Variants in ABL2 observed in about 807,000 individuals in gnomAD.
The protein encoded by ABL2 is tyrosine-protein kinase ABL2.
In ABL2, 49 loss-of-function variants were observed where a neutral mutation model predicts 107.7. The observed-to-expected ratio is 0.45, with a 90% CI of 0.36 to 0.58. The LOEUF (loss-of-function observed/expected upper bound fraction) is 0.58. Ranked by LOEUF, ABL2 falls within the 20% of genes least tolerant of loss-of-function variation. ABL2 has a pLI of 0.00. For missense variants in ABL2, 1,245 were observed against 1,457.0 expected (o/e 0.85, Z 2.37); for synonymous variants, 549 against 548.6 (o/e 1.00, Z -0.01).
Position 179,127,222 on chromosome 1 carries a change from G to A in ABL2, c.392-550C>T, listed in dbSNP as rs533214583. 2.3e-4 allele frequency among the ~76,000 whole-genome samples: 35 copies of A among 152,156 alleles called. No homozygotes were observed. In the South Asian group the frequency reaches 2.9e-3, roughly 13 times the overall value. ...AAAATGAACAAACAAAAAAAAACAC[G>A]GACCACAGAGTTTTCAGCAAGAAAA... On this transcript the variant is annotated intron_variant, in intron 3 of 11. Coordinates refer to ENST00000502732, the MANE Select transcript of ABL2 (RefSeq NM_007314.4).
intron 1 of ABL2, among the ~76,000 whole-genome samples, chr1:179,135,317 G>A (rs1255279017): frequency 6.7e-6 from 1 of 148,378 alleles, no homozygotes; most frequent in African/African-American, 2.6e-5. Flanking sequence ...ATCACATCTG[G>A]GAAGTGAGGA....
chr1:179,131,535 T>C (rs536342745), intron 2 of ABL2, 54 bp from the exon 3 acceptor site: 3 of 1,558,886 alleles, frequency 1.9e-6, no homozygotes, highest in East Asian at 4.5e-5. Flanking sequence ...AGCGAAACAT[T>C]TGTTTGAATT....
At chr1:179,123,919 C>T (rs1404696249) in intron 4 of ABL2, among the ~76,000 whole-genome samples, 1 of 152,146 alleles carries the variant, frequency 6.6e-6, no homozygotes, top group African/African-American at 2.4e-5. Context: ...GCATAGGCCA[C>T]CATGCCTAGC....
chr1:179,182,136 A>T (rs181496711), intron 1 of ABL2, among the ~76,000 whole-genome samples: 1 of 151,870 alleles, frequency 6.6e-6, no homozygotes, highest in East Asian at 1.9e-4. Context: ...CACCCTGTGA[A>T]GTCCTCTCTT....
chr1:179,171,362 T>G (rs141129751), intron 1 of ABL2, among the ~76,000 whole-genome samples: 117 of 152,340 alleles, frequency 7.7e-4, no homozygotes, highest in African/African-American at 2.6e-3. Context: ...GAGCTTAATA[T>G]CTACATTAGA....
intron 1 of ABL2, among the ~76,000 whole-genome samples, chr1:179,216,403 T>C (rs796826129): frequency 2.6e-5 from 4 of 152,314 alleles, no homozygotes; most frequent in African/African-American, 9.6e-5. Context: ...CCAAGAGTTT[T>C]TGTACAAAAT....
chr1:179,107,615 CAAGTAT>C lies in ABL2; in HGVS notation c.*97_*102del. ...CTGAGGTACTTCACATAAACACACT[CAAGTAT>C]GAGTCTTTCATTTTCTGAAAACAAG... On this transcript the variant is annotated 3_prime_UTR_variant, in exon 12 of 12. Transcript: ENST00000502732. 1.3e-6 allele frequency: 2 copies of C among 1,510,024 alleles called. No homozygotes were observed. The highest frequency in any genetic ancestry group is 1.8e-6 in the Non-Finnish European group (2 of 1,132,962). 93.5% of individuals were successfully genotyped at this position (1,510,024 alleles called of 1,614,324 possible).
intron 1 of ABL2, among the ~76,000 whole-genome samples, chr1:179,226,763 A>G (rs965529567): frequency 3.9e-5 from 6 of 152,214 alleles, no homozygotes; most frequent in African/African-American, 1.4e-4. Flanking sequence ...AAAAAGTTAA[A>G]TAACTTGTCC....
rs2102579728 is a variant in ABL2 at position 179,109,100 on chromosome 1, C to T, written c.2167G>A (p.Ala723Thr). Reference sequence around the variant, plus strand: ...TCGTCATTACAGAGGTTCCTCTGTGCAAAGCTCCCCCCATAGCACTTGGGT... The same window carrying T: ...TCGTCATTACAGAGGTTCCTCTGTGTAAAGCTCCCCCCATAGCACTTGGGT... ...VPPKCYGGSF[A>T]QRNLCNDDGG... The change falls in exon 12 of 12, where the codon GCA (alanine) becomes ACA (threonine). Residue 723 changes from alanine (A) to threonine (T), a missense_variant. This residue lies in a region of ABL2 where 761 missense variants were observed against 766.4 expected (regional missense o/e 0.99). Coordinates refer to ENST00000502732, the MANE Select transcript of ABL2 (RefSeq NM_007314.4). 7.2e-7 allele frequency: 1 copy of T among 1,387,254 alleles called. No homozygotes were observed. Among genetic ancestry groups the T allele is most frequent in the South Asian group, 1.1e-5 (1 of 88,106 alleles). The allele number at this position is 1,387,254 out of a possible 1,614,324, so 85.9% of individuals were successfully genotyped here. A position where few individuals can be genotyped will look rare whatever the true frequency, so the allele number is the denominator to read the frequency against.
intron 1 of ABL2, among the ~76,000 whole-genome samples, chr1:179,174,920 A>AAAAAATAATAAT: frequency 8.1e-6 from 1 of 122,882 alleles, no homozygotes; most frequent in Middle Eastern, 4.9e-3. Flanking sequence ...AAAATAAAAA[A>AAAAAATAATAAT]AATAATAATA....
chr1:179,172,806 G>GA (rs1012979926), intron 1 of ABL2, among the ~76,000 whole-genome samples: 8 of 152,220 alleles, frequency 5.3e-5, no homozygotes, highest in Admixed American at 5.2e-4. Context: ...AATTAACAGG[G>GA]TTAGACAAAT....
At chr1:179,137,538 C>T (rs539355541) in intron 1 of ABL2, among the ~76,000 whole-genome samples, 16 of 152,096 alleles carry the variant, frequency 1.1e-4, no homozygotes, top group African/African-American at 3.9e-4. Flanking sequence ...GGAAAAGTTC[C>T]CCTTGTTTGA....
intron 1 of ABL2, among the ~76,000 whole-genome samples, chr1:179,227,229 C>T (rs1663267031): frequency 6.6e-6 from 1 of 152,210 alleles, no homozygotes; most frequent in African/African-American, 2.4e-5. Context: ...GTCCAACCTC[C>T]TCACTTTACA....
At position 179,178,328 on chromosome 1, in the gene ABL2, G is replaced by C. The variant is rs145600253; in HGVS notation, c.158-44954C>G. ...TAAGAGGATTGCTTGCTTGAACCCA[G>C]AAGGCAGAGGTGGCAGTGAGCCGAG... On this transcript the variant is annotated intron_variant, in intron 1 of 11. Coordinates refer to ENST00000502732, the MANE Select transcript of ABL2 (RefSeq NM_007314.4). 2.5e-3 allele frequency among the ~76,000 whole-genome samples: 362 copies of C among 147,638 alleles called. 5 individuals carry two copies. The highest frequency in any genetic ancestry group is 8.7e-3 in the African/African-American group (351 of 40,190).
rs2102576860 is a variant in ABL2 at position 179,108,681 on chromosome 1, G to A, written c.2586C>T (p.Leu862=). ...TGGCTAGATCCCCAGAGGGTGTTCT[G>A]AGAGGAAGAGCTGTGGCTCCTCTGG... ...LLPRGATALP[L]RTPSGDLAIT... is the part of the protein sequence containing the mutation. The change falls in exon 12 of 12, where the codon CTC becomes CTT. Residue 862 remains leucine, a synonymous_variant. Coordinates refer to ENST00000502732, the MANE Select transcript of ABL2 (RefSeq NM_007314.4). 1 of 1,614,194 alleles carries A rather than the reference G, an allele frequency of 6.2e-7. No homozygotes were observed. The highest frequency in any genetic ancestry group is 8.5e-7 in the Non-Finnish European group (1 of 1,180,008).
intron 1 of ABL2, among the ~76,000 whole-genome samples, chr1:179,160,157 T>C (rs1029403809): frequency 6.6e-6 from 1 of 152,104 alleles, no homozygotes; most frequent in African/African-American, 2.4e-5. Context: ...TTTATATAAC[T>C]TGTATACCAT....
chr1:179,134,056 T>C (rs537335677), intron 1 of ABL2, among the ~76,000 whole-genome samples: 1 of 152,356 alleles, frequency 6.6e-6, no homozygotes, highest in South Asian at 2.1e-4. Context: ...TCTATATTAA[T>C]AATACATTCT....
At chr1:179,219,467 T>TTA (rs1397092558) in intron 1 of ABL2, among the ~76,000 whole-genome samples, 1 of 152,224 alleles carries the variant, frequency 6.6e-6, no homozygotes, top group Non-Finnish European at 1.5e-5. Flanking sequence ...AAAAAAGTCA[T>TTA]TAACTATTAA....
chr1:179,166,940 A>C (rs952217830), intron 1 of ABL2, among the ~76,000 whole-genome samples: 3 of 152,194 alleles, frequency 2.0e-5, no homozygotes, highest in African/African-American at 7.2e-5. Flanking sequence ...GGGAAATCTC[A>C]TATGCTGTTG....
Sources: allele counts gnomAD v4.1 joint callset (sites outside exome capture counted in the v4.1 genomes callset), GRCh38; gene constraint gnomAD v4.1.1; regional missense constraint gnomAD v4.1.1; transcripts MANE v1.5; gene names NCBI Gene and HGNC (gene_info 2026-07-23, HGNC 2026-07-21).